The following FCAR variants were observed in gnomAD, a reference collection of about 807,000 sequenced individuals.
FCAR encodes the protein Fc alpha receptor, also known as immunoglobulin alpha Fc receptor.
FCAR carries 21 observed loss-of-function variants against 27.1 expected under a neutral mutation model. The observed-to-expected ratio is 0.77, with a 90% CI of 0.55 to 1.11. FCAR has a LOEUF of 1.11. FCAR is among the 50% of genes most tolerant of loss of function. The pLI is 0.00. For missense variants in FCAR, 404 were observed against 358.4 expected (o/e 1.13, Z -1.03); for synonymous variants, 134 against 135.8 (o/e 0.99, Z 0.09).
intron 1 of FCAR, among the ~76,000 whole-genome samples, 158 bp from the exon 2 acceptor site, chr19:54,875,172 A>G (rs2066023199): frequency 1.4e-5 from 2 of 146,880 alleles, no homozygotes; most frequent in Admixed American, 6.8e-5. Context: ...CTCTGTCTCA[A>G]AAAAAAAAAA....
intron 2 of FCAR, among the ~76,000 whole-genome samples, chr19:54,882,063 G>A (rs2066453501): frequency 6.6e-6 from 1 of 152,076 alleles, no homozygotes; most frequent in Admixed American, 6.5e-5. Flanking sequence ...AGGGAAACAC[G>A]AGCCACCACC....
rs774724408 is a variant in FCAR at position 54,888,146 on chromosome 19, A to G, written c.501A>G (p.Pro167=). ...SLAKEGELSL[P]QHQSGEHPAN... ...CCAAGGAGGGAGAACTTTCTCTGCC[A>G]CAGCACCAAAGTGGGGAACACCCGG... Residue 167 remains proline (P), a synonymous_variant, in exon 4 of 5, where the codon CCA becomes CCG. Transcript: ENST00000355524. The G allele has an allele frequency of 5.0e-6, 8 of 1,614,176 alleles. No homozygotes were observed. The highest frequency in any genetic ancestry group is 6.8e-6 in the Non-Finnish European group (8 of 1,180,034).
At chr19:54,888,440 C>A (rs1465555151) in intron 4 of FCAR, 146 bp downstream of exon 4, 2 of 1,439,958 alleles carry the variant, frequency 1.4e-6, no homozygotes, top group Admixed American at 5.6e-5. Context: ...AAGGCTTCCC[C>A]ACCACACTTT....
Position 54,886,297 on chromosome 19 carries a change from C to CTTTTTTTTTT in FCAR, c.361+775_361+776insTTTTTTTTTT, listed in dbSNP as rs2066718728. Among the ~76,000 whole-genome samples the CTTTTTTTTTT allele has an allele frequency of 6.2e-5, 5 of 80,088 alleles. 2 individuals carry two copies. 52.5% of individuals were successfully genotyped at this position (80,088 alleles called of 152,430 possible). On this transcript the variant is annotated intron_variant, in intron 3 of 4. Coordinates refer to ENST00000355524, the MANE Select transcript of FCAR (RefSeq NM_002000.4). ...CACATTGCATTCAGGTGTCATGTATCTTTATTTTTTTTTTTTTTTTTTTTT... is the reference window on the plus strand; with the variant it reads ...CACATTGCATTCAGGTGTCATGTATCTTTTTTTTTTTTTATTTTTTTTTTTTTTTTTTTTT...
chr19:54,874,265 A>T lies in FCAR; in HGVS notation c.-25A>T. On this transcript the variant is annotated 5_prime_UTR_variant, in exon 1 of 5. Transcript: ENST00000355524. Reference sequence around the variant, plus strand: ...GCTAATGTGCATTGAAAGGAGAGCAACGGGGCTGAGGCCGTGTCAGCACGA... The same window carrying T: ...GCTAATGTGCATTGAAAGGAGAGCATCGGGGCTGAGGCCGTGTCAGCACGA... 6.2e-7 allele frequency: 1 copy of T among 1,613,978 alleles called. No homozygotes were observed. The highest frequency in any genetic ancestry group is 8.5e-7 in the Non-Finnish European group (1 of 1,179,876).
intron 2 of FCAR, among the ~76,000 whole-genome samples, chr19:54,877,373 T>G (rs1367190710): frequency 6.6e-6 from 1 of 152,218 alleles, no homozygotes. Flanking sequence ...CTGGATTTTC[T>G]AGTTTGTGTG....
At chr19:54,879,823 A>G (rs778101520) in intron 2 of FCAR, among the ~76,000 whole-genome samples, 19 of 152,050 alleles carry the variant, frequency 1.2e-4, no homozygotes, top group Admixed American at 2.6e-4. Context: ...AGCTGGGACT[A>G]CAGGTGCCCA....
intron 2 of FCAR, among the ~76,000 whole-genome samples, chr19:54,877,230 G>A (rs2145838107): frequency 6.6e-6 from 1 of 152,212 alleles, no homozygotes; most frequent in East Asian, 1.9e-4. Context: ...GTCTGGTACT[G>A]GGCTTTTTCT....
rs2066860920 is a variant in FCAR at position 54,888,158 on chromosome 19, T to A, written c.513T>A (p.Ser171Arg). The change falls in exon 4 of 5, where the codon AGT becomes AGA. Residue 171 changes from serine (S) to arginine (R), a missense_variant. Ser to Arg is a moderately radical substitution (Grantham distance 110). Transcript: ENST00000355524. ...EGELSLPQHQSGEHPANFSLG... is the reference protein window; with the variant it reads ...EGELSLPQHQRGEHPANFSLG... ...AACTTTCTCTGCCACAGCACCAAAG[T>A]GGGGAACACCCGGCCAACTTCTCTT... The A allele has an allele frequency of 6.2e-7, 1 of 1,614,024 alleles. No individual in the cohort carries two copies. The highest frequency in any genetic ancestry group is 8.5e-7 in the Non-Finnish European group (1 of 1,180,038).
Position 54,885,234 on chromosome 19 carries a change from G to A in FCAR, c.71-1G>A, listed in dbSNP as rs1300128349. 4 of 1,610,064 alleles carry A rather than the reference G, an allele frequency of 2.5e-6. No individual in the cohort carries two copies. The East Asian group carries it at 8.9e-5, about 36-fold the overall frequency. On this transcript the variant is annotated splice_acceptor_variant, in intron 2 of 4. Coordinates refer to ENST00000355524, the MANE Select transcript of FCAR (RefSeq NM_002000.4). LOFTEE classifies it high-confidence loss of function. ...TCAGTCTGGGCTTTCTTTTCTTCCA[G>A]GGGACTTTCCCATGCCTTTCATATC...
intron 4 of FCAR, among the ~76,000 whole-genome samples, 163 bp from the exon 5 acceptor site, chr19:54,889,486 G>C (rs2066947627): frequency 6.6e-6 from 1 of 151,906 alleles, no homozygotes. Context: ...CTTGCTGACT[G>C]ATCAGTGTGG....
chr19:54,885,985 G>A (rs148215662), intron 3 of FCAR, among the ~76,000 whole-genome samples: 7 of 152,208 alleles, frequency 4.6e-5, no homozygotes, highest in Admixed American at 2.0e-4. Context: ...GGTGGCTCAC[G>A]CCTGTAATCC....
intron 3 of FCAR, among the ~76,000 whole-genome samples, chr19:54,886,473 A>G (rs1326127163): frequency 2.6e-5 from 4 of 150,992 alleles, no homozygotes; most frequent in African/African-American, 7.3e-5. Context: ...ACGCCTGGCT[A>G]ATTTTTTGTA....
intron 2 of FCAR, among the ~76,000 whole-genome samples, chr19:54,880,487 T>C (rs1311539694): frequency 6.6e-6 from 1 of 152,178 alleles, no homozygotes; most frequent in Admixed American, 6.6e-5. Context: ...TTGCATTGGG[T>C]TTCAACTTTC....
chr19:54,885,186 T>C, intron 2 of FCAR, 49 bp from the exon 3 acceptor site: 1 of 1,499,918 alleles, frequency 6.7e-7, no homozygotes, highest in Non-Finnish European at 9.2e-7. Context: ...AGGAAAGGAA[T>C]GGCTTCCCCA....
chr19:54,889,936 G>T lies in FCAR; in HGVS notation c.*73G>T. On this transcript the variant is annotated 3_prime_UTR_variant, in exon 5 of 5. Coordinates refer to ENST00000355524, the MANE Select transcript of FCAR (RefSeq NM_002000.4). ...AAAGCTACTTGAAGGACACAAGAGAGAAAAGCTCACTAAGAAGCTTGAATC... is the reference window on the plus strand; with the variant it reads ...AAAGCTACTTGAAGGACACAAGAGATAAAAGCTCACTAAGAAGCTTGAATC... 1 of 1,096,510 alleles carries T rather than the reference G, an allele frequency of 9.1e-7. No individual in the cohort carries two copies. 67.9% of individuals were successfully genotyped at this position (1,096,510 alleles called of 1,614,324 possible).
intron 2 of FCAR, among the ~76,000 whole-genome samples, chr19:54,883,148 A>G (rs587775585): frequency 3.4e-4 from 52 of 152,102 alleles, no homozygotes; most frequent in African/African-American, 1.2e-3. Flanking sequence ...TGGGACTACA[A>G]GCACGCAGCA....
In FCAR at chr19:54,889,670, C is replaced by A. The variant is rs375603668; in HGVS notation, c.671C>A (p.Thr224Lys). ...VVTDSIHQDY[T>K]TQNLIRMAVA... is the part of the protein sequence containing the mutation. ...CCAGACTCCATCCACCAAGATTACA[C>A]GACGCAGAACTTGATCCGCATGGCC... The change falls in exon 5 of 5, where the codon ACG (threonine) becomes AAG (lysine). Residue 224 changes from threonine (T) to lysine (K), a missense_variant. By Grantham distance (78) the Thr-to-Lys change is moderately conservative. Transcript: ENST00000355524. 3 of 1,614,022 alleles carry A rather than the reference C, an allele frequency of 1.9e-6. No homozygotes were observed. The highest frequency in any genetic ancestry group is 1.1e-5 in the South Asian group (1 of 91,088).
intron 4 of FCAR, chr19:54,889,087 T>C (rs78488294): frequency 0.82 from 120,644 of 147,980 alleles, 49,516 homozygotes; most frequent in African/African-American, 0.93. Flanking sequence ...AAAAAAAACA[T>C]GGTTGGGCAC....
Sources: allele counts gnomAD v4.1 joint callset (sites outside exome capture counted in the v4.1 genomes callset), GRCh38; gene constraint gnomAD v4.1.1; transcripts MANE v1.5; gene names NCBI Gene and HGNC (gene_info 2026-07-23, HGNC 2026-07-21).